INPPL1: variants seen among roughly 807,000 people sequenced by gnomAD.
INPPL1 encodes the protein inositol polyphosphate phosphatase like 1, also known as phosphatidylinositol 3,4,5-trisphosphate 5-phosphatase 2.
In INPPL1, 91 loss-of-function variants were observed where a neutral mutation model predicts 139.3. The ratio of observed to expected loss-of-function variants is 0.65; its 90% CI spans 0.55 to 0.78. The LOEUF is 0.78. INPPL1 is among the 30% of genes least tolerant of loss of function. The pLI, the probability that INPPL1 is intolerant of heterozygous loss-of-function variation, is 0.00. For missense variants in INPPL1, 1,411 were observed against 1,665.6 expected (o/e 0.85, Z 2.66); for synonymous variants, 719 against 686.6 (o/e 1.05, Z -0.74).
At position 72,228,342 on chromosome 11, in the gene INPPL1, C is replaced by T. The variant is rs199604909; in HGVS notation, c.247-6C>T. On this transcript the variant is annotated splice_polypyrimidine_tract_variant and splice_region_variant and intron_variant, in intron 2 of 27. Coordinates refer to ENST00000298229, the MANE Select transcript of INPPL1 (RefSeq NM_001567.4). This position sits in a 1 kb window ranked among gnomAD's most constrained non-coding sequence, Gnocchi z 5.0. The stretch of plus-strand genomic sequence containing the variant: ...GACCCTTCCTCCCACCCTTGCTGGC[C>T]CACAGACCTCGCAGGGTGTGCCTGT... The T allele has an allele frequency of 1.1e-5, 18 of 1,613,808 alleles. No homozygotes were observed. Among genetic ancestry groups the T allele is most frequent in the African/African-American group, 8.0e-5 (6 of 75,054 alleles).
rs1380449984 is a variant in INPPL1 at position 72,232,675 on chromosome 11, C to G, written c.1762C>G (p.Arg588Gly). ...CCTGCGGCTGCTCTCGCTGGGCGAC[C>G]GGCAGCTCAATGCCTTTGACATCTC... The part of the protein sequence containing the change: ...DILRLLSLGD[R>G]QLNAFDISLR... The change falls in exon 15 of 28, where the codon CGG becomes GGG. Residue 588 changes from arginine (R) to glycine (G), a missense_variant. Physicochemically the swap from Arg to Gly is moderately radical, Grantham distance 125. This residue lies in a region of INPPL1 where 363 missense variants were observed against 446.2 expected (regional missense o/e 0.81). Coordinates refer to ENST00000298229, the MANE Select transcript of INPPL1 (RefSeq NM_001567.4). The G allele has an allele frequency of 2.5e-6, 4 of 1,613,958 alleles. No homozygotes were observed. Among genetic ancestry groups the G allele is most frequent in the Non-Finnish European group, 3.4e-6 (4 of 1,180,004 alleles).
chr11:72,238,075 C>G lies in INPPL1; in HGVS notation c.3586C>G (p.Leu1196Val). 1 of 1,571,968 alleles carries G rather than the reference C, an allele frequency of 6.4e-7. No homozygotes were observed. Among genetic ancestry groups the G allele is most frequent in the Non-Finnish European group, 8.6e-7 (1 of 1,159,068 alleles). Residue 1196 changes from leucine to valine, a missense_variant, in exon 27 of 28, where the codon CTG becomes GTG. Transcript: ENST00000298229. Reference sequence around the variant, plus strand: ...CCTGCAGGGCGGGCGGGCCAGCGGGCTGGGCGAGGCAGGCATGAGTGCCTG... The same window carrying G: ...CCTGCAGGGCGGGCGGGCCAGCGGGGTGGGCGAGGCAGGCATGAGTGCCTG... ...PCLQGGRASG[L>V]GEAGMSAWLR...
At chr11:72,225,409 G>T (rs1189502747) in intron 1 of INPPL1, 1 of 985,438 alleles carries the variant, frequency 1.0e-6, no homozygotes, top group South Asian at 4.7e-5. Flanking sequence ...CTGTGGCCCA[G>T]TGTGACTGTG....
rs765945560 is a variant in INPPL1 at position 72,235,084 on chromosome 11, T to A, written c.2416-32T>A. Reference sequence around the variant, plus strand: ...GAGGGGCAGGAGGAAGTGGCGGGGCTTTGTTCCTCACTGGGCCTCCCTGCT... The same window carrying A: ...GAGGGGCAGGAGGAAGTGGCGGGGCATTGTTCCTCACTGGGCCTCCCTGCT... On this transcript the variant is annotated intron_variant, in intron 21 of 27. Coordinates refer to ENST00000298229, the MANE Select transcript of INPPL1 (RefSeq NM_001567.4). This position sits in a 1 kb window ranked among gnomAD's most constrained non-coding sequence, Gnocchi z 4.9. 15 of 1,576,444 alleles carry A rather than the reference T, an allele frequency of 9.5e-6. No individual in the cohort carries two copies. Among genetic ancestry groups the A allele is most frequent in the Middle Eastern group, 1.7e-4 (1 of 5,772 alleles).
intron 1 of INPPL1, 128 bp downstream of exon 1, chr11:72,225,294 T>TGG: frequency 8.2e-7 from 1 of 1,221,194 alleles, no homozygotes; most frequent in Non-Finnish European, 1.0e-6. Context: ...CCCCCCAGAG[T>TGG]GGGAGCCTTG....
Position 72,228,565 on chromosome 11 carries a change from C to A in INPPL1, c.397+67C>A. The A allele has an allele frequency of 6.3e-7, 1 of 1,578,130 alleles. No individual in the cohort carries two copies. The highest frequency in any genetic ancestry group is 1.1e-5 in the South Asian group (1 of 89,636). On this transcript the variant is annotated intron_variant, in intron 3 of 27. Coordinates refer to ENST00000298229, the MANE Select transcript of INPPL1 (RefSeq NM_001567.4). The surrounding 1 kb of genome is among the most constrained non-coding windows in gnomAD (Gnocchi z 5.0). ...TGGCTCTACCTGCCTCTTCCCATCC[C>A]CCCTTCTCAACCCCACCTCTCCTGT...
Position 72,234,240 on chromosome 11 carries a change from C to A in INPPL1, c.2213-41C>A. 7.0e-7 allele frequency: 1 copy of A among 1,425,710 alleles called. No individual in the cohort carries two copies. Among genetic ancestry groups the A allele is most frequent in the Non-Finnish European group, 9.9e-7 (1 of 1,009,274 alleles). 88.3% of individuals were successfully genotyped at this position (1,425,710 alleles called of 1,614,324 possible). A position where few individuals can be genotyped will look rare whatever the true frequency, so the allele number is the denominator to read the frequency against. ...TTCTCTGTCCCATTCCTCCTGTGAT[C>A]CTCTCAGTCCTCCTGTTTGTTCTCC... On this transcript the variant is annotated intron_variant, in intron 19 of 27. Coordinates refer to ENST00000298229, the MANE Select transcript of INPPL1 (RefSeq NM_001567.4). The surrounding 1 kb of genome is among the most constrained non-coding windows in gnomAD (Gnocchi z 4.2).
chr11:72,230,673 G>A, intron 10 of INPPL1, 123 bp from the exon 11 acceptor site: 1 of 866,918 alleles, frequency 1.2e-6, no homozygotes, highest in Non-Finnish European at 1.8e-6. Context: ...TTGAGCAGTG[G>A]GTATGCAGTG....
intron 1 of INPPL1, 200 bp from the exon 2 acceptor site, chr11:72,227,975 ACGGGGGTGTTCTGGT>A: frequency 3.0e-6 from 1 of 337,742 alleles, no homozygotes; most frequent in South Asian, 1.3e-4. Flanking sequence ...TGGTGGGGAG[ACGGGGGTGTTCTGGT>A]CATTCCTGCC....
In INPPL1 at chr11:72,230,228, G is replaced by A. The variant is rs765925504; in HGVS notation, c.1047G>A (p.Gln349=). Reference sequence around the variant, plus strand: ...GGCGGCTGGTGCTGCTGCGGAGACAGCGGGACTCCCAGGAGGACTGGACCA... The same window carrying A: ...GGCGGCTGGTGCTGCTGCGGAGACAACGGGACTCCCAGGAGGACTGGACCA... The part of the protein sequence containing the change: ...EGGRLVLLRR[Q]RDSQEDWTTF... Residue 349 remains glutamine (Q), a synonymous_variant, in exon 9 of 28, where the codon CAG becomes CAA. Coordinates refer to ENST00000298229, the MANE Select transcript of INPPL1 (RefSeq NM_001567.4). 12 of 1,610,746 alleles carry A rather than the reference G, an allele frequency of 7.4e-6. No homozygotes were observed. The highest frequency in any genetic ancestry group is 1.0e-5 in the Non-Finnish European group (12 of 1,177,976).
rs1409940743 is a variant in INPPL1 at position 72,232,339 on chromosome 11, G to A, written c.1712+3G>A. The A allele has an allele frequency of 3.2e-6, 5 of 1,551,032 alleles. No homozygotes were observed. In the Admixed American group the frequency reaches 9.8e-5, roughly 30 times the overall value. ...TCGGGAAATGAGAAGACGGCTCGGTGAGGGGGCGCCTTTCCCATGGTCTCT... is the reference window on the plus strand; with the variant it reads ...TCGGGAAATGAGAAGACGGCTCGGTAAGGGGGCGCCTTTCCCATGGTCTCT... On this transcript the variant is annotated splice_donor_region_variant and intron_variant, in intron 14 of 27. Transcript: ENST00000298229.
At chr11:72,229,284 A>T in intron 5 of INPPL1, 54 bp downstream of exon 5, 7 of 1,545,336 alleles carry the variant, frequency 4.5e-6, no homozygotes, top group Non-Finnish European at 6.2e-6. Context: ...ACCTGTCCTC[A>T]CCTGCTTCCC....
chr11:72,229,269 C>T (rs374194184), intron 5 of INPPL1, 39 bp downstream of exon 5: 38 of 1,571,402 alleles, frequency 2.4e-5, no homozygotes, highest in East Asian at 9.0e-5. Flanking sequence ...ACACCCTTAC[C>T]TCTGACCTGT....
At position 72,230,357 on chromosome 11, in the gene INPPL1, C is replaced by T. The variant is rs769339245; in HGVS notation, c.1091-5C>T. On this transcript the variant is annotated splice_region_variant and splice_polypyrimidine_tract_variant and intron_variant, in intron 9 of 27. Coordinates refer to ENST00000298229, the MANE Select transcript of INPPL1 (RefSeq NM_001567.4). ...GGCCCATGTGACCGGTCCTCCATGC[C>T]CTAGTCCGCCAGCTCATTAAGTCCC... The T allele has an allele frequency of 4.6e-5, 74 of 1,613,902 alleles. No individual in the cohort carries two copies. The highest frequency in any genetic ancestry group is 6.7e-5 in the African/African-American group (5 of 74,936).
chr11:72,238,127 A>T lies in INPPL1; in HGVS notation c.3638A>T (p.Tyr1213Phe). The T allele has an allele frequency of 1.3e-6, 2 of 1,584,090 alleles. No homozygotes were observed. Among genetic ancestry groups the T allele is most frequent in the Non-Finnish European group, 1.7e-6 (2 of 1,165,484 alleles). The stretch of plus-strand genomic sequence containing the variant: ...CTGCGGGCCATCGGCTTGGAGCGCT[A>T]TGAGGAGGGCCTGGTGCATAATGGC... ...AWLRAIGLER[Y>F]EEGLVHNGWD... The change falls in exon 27 of 28, where the codon TAT becomes TTT. Residue 1213 changes from tyrosine to phenylalanine, a missense_variant. Coordinates refer to ENST00000298229, the MANE Select transcript of INPPL1 (RefSeq NM_001567.4).
At position 72,237,414 on chromosome 11, in the gene INPPL1, C is replaced by T; in HGVS notation, c.3170C>T (p.Pro1057Leu). 1 of 1,611,856 alleles carries T rather than the reference C, an allele frequency of 6.2e-7. No individual in the cohort carries two copies. Among genetic ancestry groups the T allele is most frequent in the Non-Finnish European group, 8.5e-7 (1 of 1,178,496 alleles). ...CCCCCTCCAGACTTTCCACCTCCAC[C>T]ACTGCCGGACTCAGCCATCTTCCTG... ...TLPPPDFPPP[P>L]LPDSAIFLPP... Residue 1057 changes from proline to leucine, a missense_variant, in exon 26 of 28, where the codon CCA becomes CTA. Pro to Leu is a moderately conservative substitution (Grantham distance 98). Around this residue, in one of 5 missense-constraint regions of INPPL1, gnomAD observed 438 missense variants for 425.7 expected, o/e 1.03. Coordinates refer to ENST00000298229, the MANE Select transcript of INPPL1 (RefSeq NM_001567.4).
chr11:72,233,273 C>T (rs72968867), intron 17 of INPPL1, 110 bp downstream of exon 17: 7 of 1,086,062 alleles, frequency 6.4e-6, no homozygotes, highest in Non-Finnish European at 6.8e-6. Context: ...CTCCATGGCC[C>T]CTCTGAGGCC....
At position 72,230,402 on chromosome 11, in the gene INPPL1, G is replaced by A; in HGVS notation, c.1131G>A (p.Leu377=). 1 of 1,614,148 alleles carries A rather than the reference G, an allele frequency of 6.2e-7. No homozygotes were observed. Among genetic ancestry groups the A allele is most frequent in the South Asian group, 1.1e-5 (1 of 91,076 alleles). The change falls in exon 10 of 28, where the codon CTG becomes CTA. Residue 377 remains leucine (L), a synonymous_variant. Transcript: ENST00000298229. ...AGTCCCAGCGTGTCCAGAACAAGCTGGGTGTTGTGTTTGAGAAGGAGAAGG... is the reference window on the plus strand; with the variant it reads ...AGTCCCAGCGTGTCCAGAACAAGCTAGGTGTTGTGTTTGAGAAGGAGAAGG... ...LIKSQRVQNK[L]GVVFEKEKDR... is the part of the protein sequence containing the mutation.
Position 72,230,791 on chromosome 11 carries a change from C to A in INPPL1, c.1198-5C>A. The A allele has an allele frequency of 6.2e-7, 1 of 1,613,302 alleles. No homozygotes were observed. Among genetic ancestry groups the A allele is most frequent in the Non-Finnish European group, 8.5e-7 (1 of 1,179,490 alleles). On this transcript the variant is annotated splice_polypyrimidine_tract_variant and splice_region_variant and intron_variant, in intron 10 of 27. Transcript: ENST00000298229. ...CCCGCCCCTGAGTGGCTGCTGTTCC[C>A]CCAGAAGCGGGAGGCCTTCTGCCAG...
Sources: gnomAD v4.1 joint callset for allele counts on GRCh38, gnomAD v4.1.1 for gene constraint, gnomAD v4.1.1 regional missense constraint, Gnocchi (gnomAD v3.1) non-coding constraint, MANE v1.5 for transcripts, NCBI Gene and HGNC (gene_info 2026-07-23, HGNC 2026-07-21) for gene names.